RYR2: variants seen among roughly 807,000 people sequenced by gnomAD.
RYR2 encodes cardiac muscle ryanodine receptor-calcium release channel.
Under a neutral mutation model 601.1 loss-of-function variants are expected in RYR2, and 227 were observed. That is an observed-to-expected ratio of 0.38 (90% confidence interval 0.34 to 0.42). The LOEUF (loss-of-function observed/expected upper bound fraction) is 0.42. Ranked by LOEUF, RYR2 falls within the 10% of genes least tolerant of loss-of-function variation. The pLI is 1.00. For synonymous variants in RYR2, 2,223 were observed against 2,175.1 expected (o/e 1.02, Z -0.61); for missense variants, 4,646 against 6,156.5 (o/e 0.75, Z 8.21).
At chr1:237,376,575 A>G (rs1701052454) in intron 7 of RYR2, among the ~76,000 whole-genome samples, 1 of 152,196 alleles carries the variant, frequency 6.6e-6, no homozygotes, top group South Asian at 2.1e-4. Flanking sequence ...TTAGGTTTTC[A>G]AAGGTATTAT....
intron 1 of RYR2, among the ~76,000 whole-genome samples, chr1:237,216,681 G>A (rs868029623): frequency 6.6e-6 from 1 of 150,906 alleles, no homozygotes; most frequent in South Asian, 2.1e-4. Flanking sequence ...AGGTTGCAGT[G>A]AGCGAGATCG....
chr1:237,698,981 A>G lies in RYR2; in HGVS notation c.9084A>G (p.Ser3028=). Residue 3028 remains serine (S), a synonymous_variant, in exon 64 of 105, where the codon TCA becomes TCG. Transcript: ENST00000366574. ...RISLFGNDAT[S]IVNCLHILGQ... ...CCTCTTTAGGCAATGATGCAACATCAATTGTCAACTGTCTTCATATTTTGG... is the reference window on the plus strand; with the variant it reads ...CCTCTTTAGGCAATGATGCAACATCGATTGTCAACTGTCTTCATATTTTGG... 6.4e-7 allele frequency: 1 copy of G among 1,555,406 alleles called. No homozygotes were observed. Among genetic ancestry groups the G allele is most frequent in the Non-Finnish European group, 8.7e-7 (1 of 1,145,198 alleles).
intron 17 of RYR2, among the ~76,000 whole-genome samples, chr1:237,485,222 C>T (rs575722992): frequency 2.2e-4 from 34 of 152,296 alleles, no homozygotes; most frequent in African/African-American, 7.7e-4. Flanking sequence ...ATTCTATTTA[C>T]ACTTAACAAT....
At chr1:237,636,461 T>C (rs1680882682) in intron 44 of RYR2, among the ~76,000 whole-genome samples, 1 of 152,156 alleles carries the variant, frequency 6.6e-6, no homozygotes, top group South Asian at 2.1e-4. Context: ...CCCCGTATAG[T>C]ACTTAAAATC....
At chr1:237,744,712 CT>C (rs201416765) in intron 80 of RYR2, among the ~76,000 whole-genome samples, 2 of 96,420 alleles carry the variant, frequency 2.1e-5, no homozygotes, top group African/African-American at 6.2e-5. Flanking sequence ...ACTTTGCCTT[CT>C]TTTTTTAAAA....
chr1:237,114,775 G>A (rs1250291916), intron 1 of RYR2, among the ~76,000 whole-genome samples: 3 of 152,198 alleles, frequency 2.0e-5, no homozygotes, highest in Admixed American at 2.0e-4. Flanking sequence ...CTAGTGTACT[G>A]ACCTTGGGCA....
At chr1:237,828,314 G>A (rs149628023) in intron 101 of RYR2, 67 bp from the exon 102 acceptor site, 10 of 1,132,418 alleles carry the variant, frequency 8.8e-6, no homozygotes, top group East Asian at 5.2e-5. Context: ...TCCCTGGGGG[G>A]ATTAGCCAAG....
Position 237,705,198 on chromosome 1 carries a change from A to G in RYR2, c.9450-15A>G, listed in dbSNP as rs781473396. ...ACTTGGAAGACCTTAAAACATAAGC[A>G]TTTTCCACTTATAGGCAACGTTCTG... On this transcript the variant is annotated splice_polypyrimidine_tract_variant and intron_variant, in intron 66 of 104. Coordinates refer to ENST00000366574, the MANE Select transcript of RYR2 (RefSeq NM_001035.3). 26 of 1,603,186 alleles carry G rather than the reference A, an allele frequency of 1.6e-5. No individual in the cohort carries two copies. The highest frequency in any genetic ancestry group is 4.5e-5 in the East Asian group (2 of 44,748).
chr1:237,156,388 T>C (rs754840672), intron 1 of RYR2, among the ~76,000 whole-genome samples: 20 of 152,210 alleles, frequency 1.3e-4, no homozygotes, highest in Non-Finnish European at 2.9e-5. Flanking sequence ...GACTCAAACA[T>C]GTTACACTTA....
At chr1:237,213,862 C>G (rs1265167906) in intron 1 of RYR2, among the ~76,000 whole-genome samples, 1 of 150,618 alleles carries the variant, frequency 6.6e-6, no homozygotes, top group Non-Finnish European at 1.5e-5. Flanking sequence ...TTTTTTTTCC[C>G]CAAGTTGTTA....
chr1:237,639,238 A>C, intron 46 of RYR2, 37 bp downstream of exon 46: 1 of 1,528,118 alleles, frequency 6.5e-7, no homozygotes, highest in Non-Finnish European at 8.8e-7. Flanking sequence ...AGTGATCCAT[A>C]CTACTTGATG....
At chr1:237,829,673 G>A (rs1005446887) in intron 102 of RYR2, among the ~76,000 whole-genome samples, 7 of 152,168 alleles carry the variant, frequency 4.6e-5, no homozygotes, top group Non-Finnish European at 7.4e-5. Flanking sequence ...GATCAGTAAG[G>A]CAGGAAGAAT....
intron 43 of RYR2, 109 bp from the exon 44 acceptor site, chr1:237,634,780 A>G (rs903102027): frequency 5.3e-6 from 4 of 760,186 alleles, no homozygotes; most frequent in African/African-American, 5.2e-5. Flanking sequence ...AGATTAATAC[A>G]CTATGGATGG....
chr1:237,499,814 G>A (rs1156941368), intron 20 of RYR2, among the ~76,000 whole-genome samples: 2 of 152,162 alleles, frequency 1.3e-5, no homozygotes, highest in Non-Finnish European at 2.9e-5. Flanking sequence ...TGCTCAAGTT[G>A]AAGGTTTTGT....
chr1:237,687,366 CTT>C (rs10679267), intron 62 of RYR2, 87 bp from the exon 63 acceptor site: 996 of 257,842 alleles, frequency 3.9e-3, no homozygotes, highest in East Asian at 9.0e-3. Context: ...TTTTCTTCTT[CTT>C]TTTTTTTTTT....
intron 67 of RYR2, 25 bp downstream of exon 67, chr1:237,705,368 T>G: frequency 6.3e-7 from 1 of 1,582,950 alleles, no homozygotes; most frequent in Non-Finnish European, 8.6e-7. Context: ...TGTGCAGTGC[T>G]TTGAGATATG....
chr1:237,564,289 AAC>A (rs1422962941), intron 27 of RYR2, among the ~76,000 whole-genome samples: 1 of 151,956 alleles, frequency 6.6e-6, no homozygotes, highest in Non-Finnish European at 1.5e-5. Flanking sequence ...TCTTTTTTTA[AAC>A]ACAGAGTCTT....
At chr1:237,209,029 T>A (rs1192198469) in intron 1 of RYR2, among the ~76,000 whole-genome samples, 9 of 140,274 alleles carry the variant, frequency 6.4e-5, no homozygotes, top group East Asian at 6.3e-4. Flanking sequence ...GAAAATTTTT[T>A]AAAAAGTTTA....
intron 1 of RYR2, among the ~76,000 whole-genome samples, chr1:237,164,784 T>C (rs1430626636): frequency 6.6e-6 from 1 of 152,192 alleles, no homozygotes; most frequent in Non-Finnish European, 1.5e-5. Flanking sequence ...GACCTCAAAG[T>C]TGATTTTGCA....
Sources: allele counts gnomAD v4.1 joint callset (sites outside exome capture counted in the v4.1 genomes callset), GRCh38; gene constraint gnomAD v4.1.1; transcripts MANE v1.5; gene names NCBI Gene and HGNC (gene_info 2026-07-23, HGNC 2026-07-21).